The following GAB1 variants were observed in gnomAD, a reference collection of about 807,000 sequenced individuals.
The protein encoded by GAB1 is GRB2 associated binding protein 1, also known as GRB2-associated-binding protein 1.
Under a neutral mutation model 66.5 loss-of-function variants are expected in GAB1, and 19 were observed. That is an observed-to-expected ratio of 0.29 (90% confidence interval 0.20 to 0.42). The LOEUF (loss-of-function observed/expected upper bound fraction) is 0.42. Ranked by LOEUF, GAB1 falls within the 10% of genes least tolerant of loss-of-function variation. The probability of loss-of-function intolerance (pLI) is 1.00; values close to 1 mark genes in which losing one functional copy is unlikely to be tolerated. For synonymous variants in GAB1, 294 were observed against 301.4 expected, an observed-to-expected ratio of 0.98 and a Z score of 0.25; for missense variants, 732 against 858.5, an observed-to-expected ratio of 0.85 and a Z score of 1.84.
In GAB1 at chr4:143,438,176, C is replaced by T; in HGVS notation, c.771C>T (p.Ser257=). The change falls in exon 4 of 10, where the codon AGC becomes AGT. Residue 257 remains serine (S), a synonymous_variant. Coordinates refer to ENST00000262994, the MANE Select transcript of GAB1 (RefSeq NM_002039.4). ...CCCCATCTGCTTCAGTTGACTCCAG[C>T]CTTTATAACCTGCCCAGGAGTTATT... The part of the protein sequence containing the change: ...SRAPSASVDS[S]LYNLPRSYSH... 2 of 1,613,982 alleles carry T rather than the reference C, an allele frequency of 1.2e-6. No individual in the cohort carries two copies. The highest frequency in any genetic ancestry group is 1.7e-6 in the Non-Finnish European group (2 of 1,179,972).
intron 1 of GAB1, among the ~76,000 whole-genome samples, chr4:143,404,178 T>A (rs1298152664): frequency 6.6e-6 from 1 of 152,248 alleles, no homozygotes; most frequent in South Asian, 2.1e-4. Context: ...AATAATTATT[T>A]TGGATTGGAT....
chr4:143,436,368 T>C (rs1326758110), intron 3 of GAB1, among the ~76,000 whole-genome samples: 1 of 152,186 alleles, frequency 6.6e-6, no homozygotes, highest in Non-Finnish European at 1.5e-5. Context: ...GGCCTTATAG[T>C]TCCCACACCC....
intron 2 of GAB1, among the ~76,000 whole-genome samples, chr4:143,427,923 T>C (rs931564313): frequency 3.9e-5 from 6 of 152,214 alleles, no homozygotes; most frequent in Non-Finnish European, 8.8e-5. Flanking sequence ...TCTCTTTCTT[T>C]CTTCCATCAT....
chr4:143,388,265 T>C (rs1731009992), intron 1 of GAB1, among the ~76,000 whole-genome samples: 1 of 152,228 alleles, frequency 6.6e-6, no homozygotes, highest in South Asian at 2.1e-4. Context: ...CAGATCTGAC[T>C]GATCAGTTTC....
intron 1 of GAB1, among the ~76,000 whole-genome samples, chr4:143,401,843 G>A (rs1006702451): frequency 1.7e-4 from 22 of 129,286 alleles, no homozygotes; most frequent in Admixed American, 1.1e-3. Flanking sequence ...TATAATTTTC[G>A]CCTTCACTTT....
intron 2 of GAB1, among the ~76,000 whole-genome samples, chr4:143,426,792 A>G (rs963848846): frequency 2.6e-5 from 4 of 152,232 alleles, no homozygotes; most frequent in African/African-American, 9.6e-5. Flanking sequence ...AATGAGCTAA[A>G]TAAACATGCT....
At chr4:143,416,389 C>A (rs1395138520) in intron 2 of GAB1, among the ~76,000 whole-genome samples, 2 of 152,090 alleles carry the variant, frequency 1.3e-5, no homozygotes, top group Non-Finnish European at 2.9e-5. Flanking sequence ...GCCTTGGCGA[C>A]AGAGCGAGAC....
At chr4:143,450,146 T>G (rs1734835201) in intron 6 of GAB1, among the ~76,000 whole-genome samples, 1 of 152,160 alleles carries the variant, frequency 6.6e-6, no homozygotes, top group Non-Finnish European at 1.5e-5. Flanking sequence ...AATGTGGGGT[T>G]TTTTCCTCTC....
chr4:143,433,039 G>A (rs1035409487), intron 2 of GAB1, among the ~76,000 whole-genome samples: 3 of 152,254 alleles, frequency 2.0e-5, no homozygotes, highest in East Asian at 3.9e-4. Context: ...AACGATCATC[G>A]AAATAAACAG....
At chr4:143,440,961 T>G (rs28925911) in intron 6 of GAB1, among the ~76,000 whole-genome samples, 3,044 of 152,334 alleles carry the variant, frequency 0.02, 45 homozygotes, top group Non-Finnish European at 0.034. Context: ...AGACTTAAGA[T>G]TATTAATGTA....
At chr4:143,361,781 C>G (rs1446471193) in intron 1 of GAB1, among the ~76,000 whole-genome samples, 1 of 152,148 alleles carries the variant, frequency 6.6e-6, no homozygotes, top group African/African-American at 2.4e-5. Flanking sequence ...CTATTTGTAA[C>G]TGCTTGAGAT....
At chr4:143,389,627 A>G (rs190533824) in intron 1 of GAB1, among the ~76,000 whole-genome samples, 116 of 152,326 alleles carry the variant, frequency 7.6e-4, no homozygotes, top group African/African-American at 2.7e-3. Context: ...TTTACTCAAG[A>G]TAAAAACTAT....
In GAB1 at chr4:143,415,342, A is replaced by AAC. The variant is rs540038575; in HGVS notation, c.73-125_73-124dup. Reference sequence around the variant, plus strand: ...GAGTGGCAGATTATCCTGTGGTAAAAACACACACACAAACACACACATATT... The same window carrying AAC: ...GAGTGGCAGATTATCCTGTGGTAAAAACACACACACACAAACACACACATATT... On this transcript the variant is annotated intron_variant, in intron 1 of 9. Transcript: ENST00000262994. 2.2e-4 allele frequency: 149 copies of AAC among 692,176 alleles called. No homozygotes were observed. In the African/African-American group the frequency reaches 2.2e-3, roughly 10 times the overall value. 42.9% of individuals were successfully genotyped at this position (692,176 alleles called of 1,614,324 possible).
chr4:143,446,670 G>C (rs1429212783), intron 6 of GAB1, among the ~76,000 whole-genome samples: 2 of 152,258 alleles, frequency 1.3e-5, no homozygotes, highest in South Asian at 2.1e-4. Flanking sequence ...ATTTGTTTGA[G>C]TTCATTGTAG....
chr4:143,378,470 T>G (rs921147980), intron 1 of GAB1, among the ~76,000 whole-genome samples: 6 of 152,232 alleles, frequency 3.9e-5, no homozygotes, highest in African/African-American at 1.4e-4. Context: ...CCTGGCCTTT[T>G]TCTTGACACT....
chr4:143,459,916 T>G (rs1220335767), intron 7 of GAB1, among the ~76,000 whole-genome samples: 2 of 152,212 alleles, frequency 1.3e-5, no homozygotes, highest in African/African-American at 4.8e-5. Context: ...CTTGAAAATA[T>G]GGTAGTCTCT....
intron 1 of GAB1, among the ~76,000 whole-genome samples, chr4:143,355,277 A>G (rs1478628872): frequency 6.6e-6 from 1 of 152,158 alleles, no homozygotes; most frequent in Non-Finnish European, 1.5e-5. Context: ...AGCTGTTCTC[A>G]TTACCATTTC....
chr4:143,374,227 T>C (rs1304981993), intron 1 of GAB1, among the ~76,000 whole-genome samples: 2 of 152,144 alleles, frequency 1.3e-5, no homozygotes, highest in African/African-American at 2.4e-5. Context: ...GAGTTGCTTC[T>C]CTTGCTTAGT....
At chr4:143,348,499 T>C (rs1204915523) in intron 1 of GAB1, among the ~76,000 whole-genome samples, 3 of 152,230 alleles carry the variant, frequency 2.0e-5, no homozygotes, top group Non-Finnish European at 4.4e-5. Flanking sequence ...CGGTTTTACC[T>C]TCCAAGTATC....
Sources: allele counts gnomAD v4.1 joint callset (sites outside exome capture counted in the v4.1 genomes callset), GRCh38; gene constraint gnomAD v4.1.1; transcripts MANE v1.5; gene names NCBI Gene and HGNC (gene_info 2026-07-23, HGNC 2026-07-21).